Variants in PTPRR observed in about 807,000 individuals in gnomAD.
PTPRR encodes protein tyrosine phosphatase receptor type R, also known as receptor-type tyrosine-protein phosphatase R.
In PTPRR, 38 loss-of-function variants were observed where a neutral mutation model predicts 77.2. The ratio of observed to expected loss-of-function variants is 0.49; its 90% CI spans 0.38 to 0.65. The LOEUF is 0.65. Ranked by LOEUF, PTPRR falls within the 30% of genes least tolerant of loss-of-function variation. The pLI is 0.00. For missense variants in PTPRR, 744 were observed against 799.2 expected (o/e 0.93, Z 0.83); for synonymous variants, 299 against 283.1 (o/e 1.06, Z -0.57).
In PTPRR at chr12:70,894,858, A is replaced by G. The variant is rs3924187; in HGVS notation, c.59-1881T>C. 5.3e-5 allele frequency among the ~76,000 whole-genome samples: 8 copies of G among 151,704 alleles called. No individual in the cohort carries two copies. The East Asian group carries it at 1.2e-3, about 22-fold the overall frequency. On this transcript the variant is annotated intron_variant, in intron 1 of 13. Transcript: ENST00000283228. ...GTCCAATCATCATCTTTGGCAAACT[A>G]TGGGTGGCTTGATTGTTTTAAAAAA... is the stretch of plus-strand genomic sequence containing the variant.
At position 70,823,399 on chromosome 12, in the gene PTPRR, GT is replaced by G. The variant is rs1240376749; in HGVS notation, c.358-58622del. ...GAAGCATCCAGCCTAGCTGACCACT[GT>G]ATCTCATGGAAAGTAGAGCAAGTGA... is the stretch of plus-strand genomic sequence containing the variant. On this transcript the variant is annotated intron_variant, in intron 2 of 13. Transcript: ENST00000283228. 1.6e-4 allele frequency among the ~76,000 whole-genome samples: 24 copies of G among 152,264 alleles called. No homozygotes were observed. The East Asian group carries it at 1.9e-3, about 12-fold the overall frequency.
At chr12:70,680,277 T>C (rs1473856) in intron 10 of PTPRR, among the ~76,000 whole-genome samples, 4,736 of 152,328 alleles carry the variant, frequency 0.031, 106 homozygotes, top group South Asian at 0.11. Flanking sequence ...CTTCTGCTTC[T>C]TTGATGGTGT....
At chr12:70,731,614 C>T (rs1447639294) in intron 6 of PTPRR, among the ~76,000 whole-genome samples, 3 of 152,172 alleles carry the variant, frequency 2.0e-5, no homozygotes, top group Non-Finnish European at 4.4e-5. Context: ...ACCAATTGGC[C>T]ACATAGGGTG....
chr12:70,800,357 G>A (rs1891594225), intron 2 of PTPRR, among the ~76,000 whole-genome samples: 1 of 151,658 alleles, frequency 6.6e-6, no homozygotes, highest in Non-Finnish European at 1.5e-5. Context: ...AGAGAAACAG[G>A]AACCTGCTGA....
chr12:70,701,169 C>T lies in PTPRR; in HGVS notation c.1162G>A (p.Ala388Thr), dbSNP rs1331305177. The stretch of plus-strand genomic sequence containing the variant: ...TCACTTTGGAGTAAATGTGAACTTG[C>T]CACGACGTCCCTCAGCTGAGACCTT... ...LTRSQLRDVV[A>T]SSHLLQSEFM... is the part of the protein sequence containing the mutation. The change falls in exon 7 of 14, where the codon GCA (alanine) becomes ACA (threonine). Residue 388 changes from alanine (A) to threonine (T), a missense_variant. Ala to Thr is a moderately conservative substitution (Grantham distance 58). This residue lies in a region of PTPRR where 570 missense variants were observed against 573.2 expected (regional missense o/e 0.99). Coordinates refer to ENST00000283228, the MANE Select transcript of PTPRR (RefSeq NM_002849.4). 5 of 1,613,738 alleles carry T rather than the reference C, an allele frequency of 3.1e-6. No homozygotes were observed. The highest frequency in any genetic ancestry group is 1.6e-4 in the Middle Eastern group (1 of 6,080).
chr12:70,649,596 T>C (rs1218837030), intron 13 of PTPRR, among the ~76,000 whole-genome samples: 4 of 152,200 alleles, frequency 2.6e-5, no homozygotes, highest in Admixed American at 2.6e-4. Context: ...ACCTTTGTTT[T>C]TTTGAGTCTC....
In PTPRR at chr12:70,669,559, T is replaced by TACACACACACACAC. The variant is rs566522694; in HGVS notation, c.1498-6968_1498-6955dup. Among the ~76,000 whole-genome samples, 574 of 141,754 alleles carry TACACACACACACAC rather than the reference T, an allele frequency of 4.0e-3. 7 individuals are homozygous for TACACACACACACAC. In the East Asian group the frequency reaches 0.052, roughly 13 times the overall value. 93.0% of individuals were successfully genotyped at this position (141,754 alleles called of 152,430 possible). On this transcript the variant is annotated intron_variant, in intron 10 of 13. Transcript: ENST00000283228. ...ACACAAGCCATATATATATATGTTA[T>TACACACACACACAC]ACACACACACACACACACACACACA...
chr12:70,712,896 T>C (rs532371972), intron 6 of PTPRR, among the ~76,000 whole-genome samples: 13 of 152,110 alleles, frequency 8.5e-5, no homozygotes, highest in Non-Finnish European at 7.4e-5. Context: ...GATCAACTTA[T>C]GTACAATAAA....
intron 2 of PTPRR, among the ~76,000 whole-genome samples, chr12:70,858,246 C>T (rs1892686659): frequency 6.6e-6 from 1 of 152,024 alleles, no homozygotes; most frequent in Non-Finnish European, 1.5e-5. Flanking sequence ...ATGACTCTTC[C>T]CACCTATTTC....
chr12:70,735,103 C>G (rs1255396686), intron 6 of PTPRR, among the ~76,000 whole-genome samples: 1 of 152,060 alleles, frequency 6.6e-6, no homozygotes, highest in African/African-American at 2.4e-5. Flanking sequence ...TAAAATCTGA[C>G]AAATAAAGAG....
chr12:70,884,657 G>C (rs1475066881), intron 2 of PTPRR, among the ~76,000 whole-genome samples: 1 of 151,840 alleles, frequency 6.6e-6, no homozygotes, highest in Non-Finnish European at 1.5e-5. Context: ...CACGAGGTCA[G>C]TAAATCGAGA....
At chr12:70,821,212 G>GTTTTTTTTTTTTTT (rs1252907478) in intron 2 of PTPRR, among the ~76,000 whole-genome samples, 2 of 44,548 alleles carry the variant, frequency 4.5e-5, no homozygotes, top group Non-Finnish European at 5.2e-5. Context: ...AGGGATCACT[G>GTTTTTTTTTTTTTT]CTTTTTTTTT....
rs539179625 is a variant in PTPRR at position 70,714,677 on chromosome 12, C to A, written c.1008-13354G>T. The stretch of plus-strand genomic sequence containing the variant: ...GTTTATTCATGCAAATGTATCTGTA[C>A]GAACATAATATAAGTTTCTCCTATA... On this transcript the variant is annotated intron_variant, in intron 6 of 13. Transcript: ENST00000283228. 1.0e-3 allele frequency among the ~76,000 whole-genome samples: 152 copies of A among 152,206 alleles called. 1 individual carries two copies. Among genetic ancestry groups the A allele is most frequent in the African/African-American group, 3.5e-3 (146 of 41,532 alleles).
In PTPRR at chr12:70,823,408, G is replaced by A. The variant is rs539286470; in HGVS notation, c.358-58630C>T. 1.3e-3 allele frequency among the ~76,000 whole-genome samples: 201 copies of A among 152,286 alleles called. 1 individual carries two copies. Among genetic ancestry groups the A allele is most frequent in the African/African-American group, 4.5e-3 (185 of 41,562 alleles). ...AGCCTAGCTGACCACTGTATCTCAT[G>A]GAAAGTAGAGCAAGTGATTAGAAGT... On this transcript the variant is annotated intron_variant, in intron 2 of 13. Coordinates refer to ENST00000283228, the MANE Select transcript of PTPRR (RefSeq NM_002849.4).
intron 2 of PTPRR, among the ~76,000 whole-genome samples, chr12:70,766,890 C>T (rs183965168): frequency 8.5e-5 from 13 of 152,092 alleles, no homozygotes; most frequent in Admixed American, 3.3e-4. Flanking sequence ...ATTTTCAACC[C>T]GGAATTTTAT....
chr12:70,913,853 T>G (rs943686480), intron 1 of PTPRR, among the ~76,000 whole-genome samples: 30 of 152,298 alleles, frequency 2.0e-4, no homozygotes, highest in African/African-American at 6.7e-4. Context: ...ACAAATATAT[T>G]TAATATATGT....
chr12:70,753,869 A>C (rs1397397173), intron 5 of PTPRR, among the ~76,000 whole-genome samples: 2 of 152,164 alleles, frequency 1.3e-5, no homozygotes, highest in Non-Finnish European at 2.9e-5. Context: ...GTAAACCCAA[A>C]GTGTGCCCGT....
At chr12:70,824,845 G>A (rs916739183) in intron 2 of PTPRR, among the ~76,000 whole-genome samples, 2 of 152,142 alleles carry the variant, frequency 1.3e-5, no homozygotes, top group Admixed American at 6.5e-5. Flanking sequence ...CTTTGACAGT[G>A]GGCTTGCTAG....
At chr12:70,845,311 C>A (rs1329705650) in intron 2 of PTPRR, among the ~76,000 whole-genome samples, 1 of 152,038 alleles carries the variant, frequency 6.6e-6, no homozygotes, top group African/African-American at 2.4e-5. Flanking sequence ...AAGGAATTAT[C>A]TTGATTAGAA....
Sources: allele counts gnomAD v4.1 joint callset (sites outside exome capture counted in the v4.1 genomes callset), GRCh38; gene constraint gnomAD v4.1.1; regional missense constraint gnomAD v4.1.1; transcripts MANE v1.5; gene names NCBI Gene and HGNC (gene_info 2026-07-23, HGNC 2026-07-21).